XXYLT1: variants seen among roughly 807,000 people sequenced by gnomAD.
XXYLT1 encodes the protein UDP-xylose:alpha-xyloside alpha-1,3-xylosyltransferase.
A neutral mutation model predicts 28.9 loss-of-function variants in XXYLT1; 20 were observed. The observed-to-expected ratio is 0.69, with a 90% confidence interval of 0.49 to 1.00. XXYLT1 has a LOEUF of 1.00. Ranked by LOEUF, XXYLT1 falls within the 50% of genes least tolerant of loss-of-function variation. The pLI, the probability that XXYLT1 is intolerant of heterozygous loss-of-function variation, is 0.00. For synonymous variants in XXYLT1, 257 were observed against 253.8 expected (o/e 1.01, Z -0.12); for missense variants, 542 against 560.1 (o/e 0.97, Z 0.33).
At chr3:195,136,281 T>C (rs1043022356) in intron 3 of XXYLT1, among the ~76,000 whole-genome samples, 1 of 152,180 alleles carries the variant, frequency 6.6e-6, no homozygotes, top group South Asian at 2.1e-4. Context: ...TAGGTTTGAA[T>C]GAAAAGACTA....
chr3:195,175,483 G>T, intron 2 of XXYLT1: 1 of 1,346,138 alleles, frequency 7.4e-7, no homozygotes, highest in South Asian at 1.5e-5. Flanking sequence ...GGGAGAGGAC[G>T]ACAATGAGTT....
chr3:195,084,630 C>T (rs1011835696), intron 3 of XXYLT1, among the ~76,000 whole-genome samples: 6 of 152,182 alleles, frequency 3.9e-5, no homozygotes, highest in East Asian at 1.9e-4. Flanking sequence ...TTAGGTCAGC[C>T]CTTGCAGCCT....
chr3:195,228,486 C>CT (rs897820464), intron 1 of XXYLT1, among the ~76,000 whole-genome samples: 1,436 of 120,164 alleles, frequency 0.012, 49 homozygotes, highest in East Asian at 0.066. Context: ...CTATATTTCA[C>CT]TTTTTTTTTT....
chr3:195,232,827 T>C (rs892965027), intron 1 of XXYLT1, among the ~76,000 whole-genome samples: 1 of 152,248 alleles, frequency 6.6e-6, no homozygotes, highest in African/African-American at 2.4e-5. Context: ...ATGATCCATG[T>C]GCTGAGCAGA....
intron 2 of XXYLT1, among the ~76,000 whole-genome samples, chr3:195,163,623 C>G (rs1720977436): frequency 6.6e-6 from 1 of 152,194 alleles, no homozygotes; most frequent in South Asian, 2.1e-4. Flanking sequence ...TTACAGCAAC[C>G]CTAGGGGGCA....
rs933440500 is a variant in XXYLT1 at position 195,210,184 on chromosome 3, C to T, written c.652+16525G>A. 6.6e-6 allele frequency among the ~76,000 whole-genome samples: 1 copy of T among 152,234 alleles called. No individual in the cohort carries two copies. The highest frequency in any genetic ancestry group is 2.4e-5 in the African/African-American group (1 of 41,458). ...CCTCATCCTCCTCAAAGCTTCCTCTCTGTGCCCTGACAGAACTGACAGCAC... is the reference window on the plus strand; with the variant it reads ...CCTCATCCTCCTCAAAGCTTCCTCTTTGTGCCCTGACAGAACTGACAGCAC... On this transcript the variant is annotated intron_variant, in intron 2 of 3. Coordinates refer to ENST00000310380, the MANE Select transcript of XXYLT1 (RefSeq NM_152531.5). This position sits in a 1 kb window ranked among gnomAD's most constrained non-coding sequence, Gnocchi z 4.8.
chr3:195,259,726 G>A, intron 1 of XXYLT1: 2 of 955,520 alleles, frequency 2.1e-6, no homozygotes, highest in Non-Finnish European at 2.5e-6. Context: ...CCCCGGAGCC[G>A]GCCTCTGGCG....
At chr3:195,191,412 A>G (rs369758028) in intron 2 of XXYLT1, among the ~76,000 whole-genome samples, 82 of 152,238 alleles carry the variant, frequency 5.4e-4, no homozygotes, top group South Asian at 2.7e-3. Context: ...TTCTTTAAAA[A>G]ATTTTCTTTT....
chr3:195,188,510 T>C (rs2108748515), intron 2 of XXYLT1, among the ~76,000 whole-genome samples: 1 of 152,362 alleles, frequency 6.6e-6, no homozygotes, highest in Middle Eastern at 3.4e-3. Context: ...GCTGAGCTGA[T>C]ACTCTAGGCA....
At chr3:195,110,040 A>G (rs527511644) in intron 3 of XXYLT1, among the ~76,000 whole-genome samples, 2,577 of 36,788 alleles carry the variant, frequency 0.07, 663 homozygotes, top group African/African-American at 0.19. Flanking sequence ...TGTCTGGTGT[A>G]TGTGTGCGTG....
In XXYLT1 at chr3:195,150,555, G is replaced by GAATT. The variant is rs1720146807; in HGVS notation, c.785+5890_785+5893dup. Reference sequence around the variant, plus strand: ...TGATTAAAATACTTAACACAAAAGCGAATTCCCGCCTGGTGGCATGTTATC... The same window carrying GAATT: ...TGATTAAAATACTTAACACAAAAGCGAATTAATTCCCGCCTGGTGGCATGTTATC... On this transcript the variant is annotated intron_variant, in intron 3 of 3. Coordinates refer to ENST00000310380, the MANE Select transcript of XXYLT1 (RefSeq NM_152531.5). The surrounding 1 kb of genome is among the most constrained non-coding windows in gnomAD (Gnocchi z 4.7). Among the ~76,000 whole-genome samples the GAATT allele has an allele frequency of 6.6e-6, 1 of 152,170 alleles. No individual in the cohort carries two copies. The highest frequency in any genetic ancestry group is 2.4e-5 in the African/African-American group (1 of 41,446).
At chr3:195,185,196 G>A (rs919391372) in intron 2 of XXYLT1, among the ~76,000 whole-genome samples, 2 of 152,134 alleles carry the variant, frequency 1.3e-5, no homozygotes, top group African/African-American at 2.4e-5. Context: ...AACAGAGGGT[G>A]CTGGAGAATA....
chr3:195,184,990 G>C (rs1284196438), intron 2 of XXYLT1, among the ~76,000 whole-genome samples: 3 of 151,930 alleles, frequency 2.0e-5, no homozygotes, highest in Non-Finnish European at 4.4e-5. Context: ...GAAGTCAGGA[G>C]GGCCTGGCAC....
chr3:195,077,873 C>T lies in XXYLT1; in HGVS notation c.786-7762G>A, dbSNP rs964625835. Among the ~76,000 whole-genome samples, 5 of 152,282 alleles carry T rather than the reference C, an allele frequency of 3.3e-5. No individual in the cohort carries two copies. The highest frequency in any genetic ancestry group is 1.9e-4 in the East Asian group (1 of 5,152). ...AGGCTTCTCCTGGCCCTCCGCTCCCCGTGCCCAGCCTGCCTGGGGTTGTCA... is the reference window on the plus strand; with the variant it reads ...AGGCTTCTCCTGGCCCTCCGCTCCCTGTGCCCAGCCTGCCTGGGGTTGTCA... On this transcript the variant is annotated intron_variant, in intron 3 of 3. Transcript: ENST00000310380. This position sits in a 1 kb window ranked among gnomAD's most constrained non-coding sequence, Gnocchi z 4.8.
chr3:195,180,525 A>C lies in XXYLT1; in HGVS notation c.653-23944T>G. 1 of 985,460 alleles carries C rather than the reference A, an allele frequency of 1.0e-6. No homozygotes were observed. The highest frequency in any genetic ancestry group is 1.2e-6 in the Non-Finnish European group (1 of 829,974). The allele number at this position is 985,460 out of a possible 1,614,324, so 61.0% of individuals were successfully genotyped here. On this transcript the variant is annotated intron_variant, in intron 2 of 3. Transcript: ENST00000310380. This position sits in a 1 kb window ranked among gnomAD's most constrained non-coding sequence, Gnocchi z 5.8. The stretch of plus-strand genomic sequence containing the variant: ...TCCTGGCTCTGTAGCCCTTGAAAAG[A>C]AGCAAACAAACAGATAAGGGTCAGC...
chr3:195,237,499 TA>T (rs1724602057), intron 1 of XXYLT1, among the ~76,000 whole-genome samples: 2 of 152,160 alleles, frequency 1.3e-5, no homozygotes, highest in South Asian at 4.2e-4. Flanking sequence ...AATATGAAGT[TA>T]AAACCAGGTA....
rs1225943338 is a variant in XXYLT1, at chr3:195,078,180, C to G, written c.786-8069G>C. On this transcript the variant is annotated intron_variant, in intron 3 of 3. Coordinates refer to ENST00000310380, the MANE Select transcript of XXYLT1 (RefSeq NM_152531.5). The surrounding 1 kb of genome is among the most constrained non-coding windows in gnomAD (Gnocchi z 5.0). ...GAGTCCCAAACAGGTGCCCAGAGAA[C>G]AGCAATGTGGAGGAGCCCAGCAGGT... Among the ~76,000 whole-genome samples the G allele has an allele frequency of 6.6e-6, 1 of 152,058 alleles. No homozygotes were observed. Among genetic ancestry groups the G allele is most frequent in the Non-Finnish European group, 1.5e-5 (1 of 67,998 alleles).
In XXYLT1 at chr3:195,070,056, G is replaced by T. The variant is rs982906626; in HGVS notation, c.841C>A (p.Pro281Thr). The T allele has an allele frequency of 2.5e-6, 4 of 1,596,678 alleles. No homozygotes were observed. The African/African-American group carries it at 4.0e-5, about 16-fold the overall frequency. ...TTGAAGCCCGGCAGCCCCTCGGGGG[G>T]CGGGCCCCCAACCCGGGTCTGGGGG... ...ENPQTRVGGP[P>T]PEGLPGFNSG... The change falls in exon 4 of 4, where the codon CCC (proline) becomes ACC (threonine). Residue 281 changes from proline to threonine, a missense_variant. Transcript: ENST00000310380.
At chr3:195,264,865 G>A (rs770854656) in intron 1 of XXYLT1, among the ~76,000 whole-genome samples, 5 of 152,128 alleles carry the variant, frequency 3.3e-5, no homozygotes, top group Non-Finnish European at 5.9e-5. Flanking sequence ...ACCAGCCTGG[G>A]AAAGAAGGTG....
Sources: allele counts gnomAD v4.1 joint callset (sites outside exome capture counted in the v4.1 genomes callset), GRCh38; gene constraint gnomAD v4.1.1; non-coding constraint Gnocchi (gnomAD v3.1); transcripts MANE v1.5; gene names NCBI Gene and HGNC (gene_info 2026-07-23, HGNC 2026-07-21).